The following CORIN variants were observed in gnomAD, a reference collection of about 807,000 sequenced individuals.
CORIN encodes atrial natriuretic peptide-converting enzyme.
In CORIN, 117 loss-of-function variants were observed where a neutral mutation model predicts 125.3. The observed-to-expected ratio is 0.93, with a 90% CI of 0.80 to 1.09. The LOEUF is 1.09. Ranked by LOEUF, CORIN falls within the 50% of genes least tolerant of loss-of-function variation. The pLI, the probability that CORIN is intolerant of heterozygous loss-of-function variation, is 0.00. For synonymous variants in CORIN, 450 were observed against 466.4 expected (o/e 0.96, Z 0.45); for missense variants, 1,253 against 1,306.7 (o/e 0.96, Z 0.63).
chr4:47,648,895 A>G (rs1392933588), intron 13 of CORIN, among the ~76,000 whole-genome samples: 1 of 152,176 alleles, frequency 6.6e-6, no homozygotes, highest in East Asian at 1.9e-4. Flanking sequence ...CAGCCAGAGT[A>G]CAGGCCTAAC....
At chr4:47,730,472 CAAA>C (rs71199996) in intron 5 of CORIN, among the ~76,000 whole-genome samples, 1 of 66,030 alleles carries the variant, frequency 1.5e-5, no homozygotes, top group Non-Finnish European at 3.2e-5. Context: ...GACTCCATCT[CAAA>C]AAAAAAAAAA....
chr4:47,731,350 G>A (rs1365728009), intron 5 of CORIN, among the ~76,000 whole-genome samples: 1 of 152,158 alleles, frequency 6.6e-6, no homozygotes, highest in African/African-American at 2.4e-5. Flanking sequence ...GGAGGGATGT[G>A]GGCTAGAGAT....
intron 1 of CORIN, among the ~76,000 whole-genome samples, chr4:47,816,528 T>G (rs771339602): frequency 7.2e-5 from 11 of 152,306 alleles, no homozygotes; most frequent in Non-Finnish European, 1.2e-4. Context: ...TCCAAGAAGA[T>G]ATACAGCTTC....
intron 2 of CORIN, 114 bp from the exon 3 acceptor site, chr4:47,787,039 C>A (rs1730848514): frequency 2.7e-6 from 2 of 741,396 alleles, no homozygotes; most frequent in South Asian, 1.9e-5. Context: ...TCATTCTAAC[C>A]AGGTAAACAC....
At chr4:47,765,204 G>A (rs576368041) in intron 3 of CORIN, among the ~76,000 whole-genome samples, 82 of 151,946 alleles carry the variant, frequency 5.4e-4, no homozygotes, top group African/African-American at 1.8e-3. Context: ...GCGTGGTGGC[G>A]GGAGGCTGAG....
chr4:47,671,883 C>T lies in CORIN; in HGVS notation c.1357+2510G>A, dbSNP rs576177737. Among the ~76,000 whole-genome samples the T allele has an allele frequency of 1.2e-3, 178 of 152,324 alleles. 1 individual carries two copies. The highest frequency in any genetic ancestry group is 4.2e-3 in the African/African-American group (174 of 41,572). ...GGATTACAGGCGTGAGCCACCGCGC[C>T]CGGCCTATGTGCCATTTTTAATAAC... On this transcript the variant is annotated intron_variant, in intron 10 of 21. Coordinates refer to ENST00000273857, the MANE Select transcript of CORIN (RefSeq NM_006587.4).
At chr4:47,722,775 C>T (rs1038796410) in intron 5 of CORIN, among the ~76,000 whole-genome samples, 1 of 152,122 alleles carries the variant, frequency 6.6e-6, no homozygotes, top group Non-Finnish European at 1.5e-5. Context: ...GTAAAAATGT[C>T]CCACCTTACC....
intron 2 of CORIN, chr4:47,790,271 G>C (rs951546678): frequency 1.1e-6 from 1 of 877,872 alleles, no homozygotes; most frequent in Admixed American, 6.2e-5. Context: ...ATGGCTCCCC[G>C]GCAGAACCCC....
Position 47,665,076 on chromosome 4 carries a change from T to C in CORIN, c.1545A>G (p.Val515=), listed in dbSNP as rs1211354244. The C allele has an allele frequency of 6.2e-7, 1 of 1,613,656 alleles. No individual in the cohort carries two copies. Among genetic ancestry groups the C allele is most frequent in the Non-Finnish European group, 8.5e-7 (1 of 1,179,706 alleles). ...YLMFFSCTIL[V]PKCDVNTGEH... is the part of the protein sequence containing the mutation. ...CGCCTGTATTCACATCACATTTTGG[T>C]ACCAAAATGGTGCAAGAAAAGAACA... The change falls in exon 11 of 22, where the codon GTA becomes GTG. Residue 515 remains valine, a synonymous_variant. Transcript: ENST00000273857.
At chr4:47,819,757 TC>T (rs1732426743) in intron 1 of CORIN, among the ~76,000 whole-genome samples, 1 of 152,180 alleles carries the variant, frequency 6.6e-6, no homozygotes, top group African/African-American at 2.4e-5. Context: ...TTCCATTAAT[TC>T]CCACCAGCCT....
chr4:47,770,606 G>A (rs73150646), intron 3 of CORIN, among the ~76,000 whole-genome samples: 127 of 152,226 alleles, frequency 8.3e-4, no homozygotes, highest in African/African-American at 1.9e-3. Context: ...TCACAATAGC[G>A]AAGATATGGA....
At chr4:47,600,627 A>G (rs1229573112) in intron 20 of CORIN, among the ~76,000 whole-genome samples, 1 of 152,182 alleles carries the variant, frequency 6.6e-6, no homozygotes, top group African/African-American at 2.4e-5. Context: ...CATCCTTACC[A>G]TATGCTACAA....
chr4:47,619,161 C>T (rs1327079348), intron 19 of CORIN, among the ~76,000 whole-genome samples: 3 of 152,202 alleles, frequency 2.0e-5, no homozygotes, highest in Non-Finnish European at 4.4e-5. Flanking sequence ...TTCCTTAGAA[C>T]TTTTGAAAGC....
At chr4:47,733,126 C>A (rs577413041) in intron 5 of CORIN, among the ~76,000 whole-genome samples, 3 of 151,844 alleles carry the variant, frequency 2.0e-5, no homozygotes, top group Non-Finnish European at 4.4e-5. Context: ...TACATTTGCA[C>A]AGGGCATGTG....
chr4:47,658,270 C>A (rs972159382), intron 12 of CORIN, among the ~76,000 whole-genome samples: 6 of 152,232 alleles, frequency 3.9e-5, no homozygotes, highest in Non-Finnish European at 8.8e-5. Flanking sequence ...TCCTTGGACT[C>A]CATATCCTGC....
intron 2 of CORIN, among the ~76,000 whole-genome samples, chr4:47,792,550 C>T (rs1040274371): frequency 6.6e-6 from 1 of 152,200 alleles, no homozygotes; most frequent in Admixed American, 6.5e-5. Flanking sequence ...CCTTCGAGGT[C>T]TCTGGTTTGA....
intron 19 of CORIN, among the ~76,000 whole-genome samples, chr4:47,611,772 T>C (rs535651407): frequency 1.2e-3 from 178 of 152,346 alleles, no homozygotes; most frequent in South Asian, 4.4e-3. Context: ...GTTCCTTCAA[T>C]ACCTAGTTTA....
intron 3 of CORIN, among the ~76,000 whole-genome samples, chr4:47,782,612 T>C (rs963793375): frequency 3.3e-5 from 5 of 152,180 alleles, no homozygotes; most frequent in African/African-American, 9.6e-5. Context: ...AGAAGCATTA[T>C]TGATAATAGT....
At chr4:47,655,632 T>G (rs1330021263) in intron 12 of CORIN, among the ~76,000 whole-genome samples, 8 of 152,140 alleles carry the variant, frequency 5.3e-5, no homozygotes, top group Non-Finnish European at 8.8e-5. Context: ...TGAGAAGAAC[T>G]TTGACTTGTG....
Sources: gnomAD v4.1 joint callset for allele counts (sites outside exome capture counted in the v4.1 genomes callset) on GRCh38, gnomAD v4.1.1 for gene constraint, MANE v1.5 for transcripts, NCBI Gene and HGNC (gene_info 2026-07-23, HGNC 2026-07-21) for gene names.